Variants in HADHA observed in about 807,000 individuals in gnomAD.
HADHA encodes the protein trifunctional enzyme subunit alpha, mitochondrial.
A neutral mutation model predicts 91.3 loss-of-function variants in HADHA; 59 were observed. The observed-to-expected ratio is 0.65, with a 90% CI of 0.52 to 0.80. The LOEUF is 0.80. Ranked by LOEUF, HADHA falls within the 30% of genes least tolerant of loss-of-function variation. The pLI, the probability that HADHA is intolerant of heterozygous loss-of-function variation, is 0.00. For synonymous variants in HADHA, 320 were observed against 338.9 expected (o/e 0.94, Z 0.61); for missense variants, 800 against 927.6 (o/e 0.86, Z 1.79).
rs1553315306 is a variant in HADHA at position 26,229,348 on chromosome 2, G to GCACGCACACACACACACACA, written c.676+843_676+844insTGTGTGTGTGTGTGTGCGTG. On this transcript the variant is annotated intron_variant, in intron 7 of 19. Coordinates refer to ENST00000380649, the MANE Select transcript of HADHA (RefSeq NM_000182.5). This position sits in a 1 kb window ranked among gnomAD's most constrained non-coding sequence, Gnocchi z 4.3. Reference sequence around the variant, plus strand: ...GTGAGACCCCAACATGTGTGCGCGCGCACACACACACACACACACACACAC... The same window carrying GCACGCACACACACACACACA: ...GTGAGACCCCAACATGTGTGCGCGCGCACGCACACACACACACACACACACACACACACACACACACACAC... Among the ~76,000 whole-genome samples, 1 of 147,520 alleles carries GCACGCACACACACACACACA rather than the reference G, an allele frequency of 6.8e-6. No individual in the cohort carries two copies. The highest frequency in any genetic ancestry group is 2.5e-5 in the African/African-American group (1 of 39,538).
chr2:26,193,422 C>T (rs1245172834), intron 17 of HADHA, among the ~76,000 whole-genome samples, 155 bp downstream of exon 17: 3 of 151,808 alleles, frequency 2.0e-5, no homozygotes, highest in Non-Finnish European at 4.4e-5. Context: ...TGCTACCGCA[C>T]CTGACTCATA....
intron 7 of HADHA, among the ~76,000 whole-genome samples, chr2:26,220,535 C>G (rs1248399007): frequency 2.0e-5 from 3 of 152,194 alleles, no homozygotes; most frequent in Non-Finnish European, 4.4e-5. Flanking sequence ...ACAGATGGAT[C>G]CTATAGAATG....
chr2:26,232,213 C>T lies in HADHA; in HGVS notation c.520G>A (p.Val174Ile), dbSNP rs778484871. Reference protein sequence around the residue: ...DRKTVLGTPEVLLGALPGAGG... With the variant: ...DRKTVLGTPEILLGALPGAGG... ...GCTCCTGGTAAGGCCCCCAGCAAAA[C>T]TTCAGGGGTACCTAATACTGTTTTT... The change falls in exon 6 of 20, where the codon GTT becomes ATT. Residue 174 changes from valine to isoleucine, a missense_variant. Transcript: ENST00000380649. 6.2e-7 allele frequency: 1 copy of T among 1,607,442 alleles called. No individual in the cohort carries two copies. Among genetic ancestry groups the T allele is most frequent in the South Asian group, 1.1e-5 (1 of 90,948 alleles).
rs1442504665 is a variant in HADHA at position 26,191,307 on chromosome 2, G to A, written c.2235C>T (p.Thr745=). 6.2e-7 allele frequency: 1 copy of A among 1,613,652 alleles called. No individual in the cohort carries two copies. The highest frequency in any genetic ancestry group is 8.5e-7 in the Non-Finnish European group (1 of 1,179,998). ...KYEAAYGKQF[T]PCQLLADHAN... is the part of the protein sequence containing the mutation. ...CATGGTCAGCTAGCAGCTGGCATGG[G>A]GTGAACTGTTTTCCATAGGCAGCTT... is the stretch of plus-strand genomic sequence containing the variant. Residue 745 remains threonine, a synonymous_variant, in exon 20 of 20, where the codon ACC becomes ACT. Coordinates refer to ENST00000380649, the MANE Select transcript of HADHA (RefSeq NM_000182.5).
intron 5 of HADHA, among the ~76,000 whole-genome samples, chr2:26,232,985 T>C (rs1670661623): frequency 6.6e-6 from 1 of 151,218 alleles, no homozygotes; most frequent in Non-Finnish European, 1.5e-5. Flanking sequence ...TGGGAGGGAG[T>C]GGTTTCAGGA....
rs1670774544 is a variant in HADHA, at chr2:26,236,886, G to T, written c.283C>A (p.Pro95Thr). The change falls in exon 4 of 20, where the codon CCA becomes ACA. Residue 95 changes from proline (P) to threonine (T), a missense_variant. Pro to Thr is a conservative substitution (Grantham distance 38). Coordinates refer to ENST00000380649, the MANE Select transcript of HADHA (RefSeq NM_000182.5). The part of the protein sequence containing the change: ...IRSAVLISSK[P>T]GCFIAGADIN... ...TCAGCACCTGCAATAAAGCAGCCTG[G>T]CTTTGATGAGATAAGGACGGCACTT... 1 of 1,612,108 alleles carries T rather than the reference G, an allele frequency of 6.2e-7. No homozygotes were observed. The highest frequency in any genetic ancestry group is 8.5e-7 in the Non-Finnish European group (1 of 1,178,730).
At chr2:26,219,538 T>G (rs1670322836) in intron 7 of HADHA, among the ~76,000 whole-genome samples, 1 of 152,198 alleles carries the variant, frequency 6.6e-6, no homozygotes, top group South Asian at 2.1e-4. Flanking sequence ...CTGTGAGAAA[T>G]CAATTTGTGA....
In HADHA at chr2:26,229,392, A is replaced by G. The variant is rs1310687331; in HGVS notation, c.676+800T>C. ...CACACACAAAATTAATACATTTACT[A>G]TTATGTAAGTAATATCTCAATAATG... is the stretch of plus-strand genomic sequence containing the variant. On this transcript the variant is annotated intron_variant, in intron 7 of 19. Transcript: ENST00000380649. The surrounding 1 kb of genome is among the most constrained non-coding windows in gnomAD (Gnocchi z 4.3). Among the ~76,000 whole-genome samples, 1 of 150,956 alleles carries G rather than the reference A, an allele frequency of 6.6e-6. No individual in the cohort carries two copies. Among genetic ancestry groups the G allele is most frequent in the Non-Finnish European group, 1.5e-5 (1 of 67,802 alleles).
At chr2:26,239,180 C>T in intron 1 of HADHA, 37 bp from the exon 2 acceptor site, 1 of 1,391,258 alleles carries the variant, frequency 7.2e-7, no homozygotes. Flanking sequence ...ATTTGCGAAA[C>T]AATTTCTGTA....
intron 6 of HADHA, among the ~76,000 whole-genome samples, 169 bp downstream of exon 6, chr2:26,231,991 C>T (rs1379884261): frequency 7.0e-6 from 1 of 143,680 alleles, no homozygotes; most frequent in African/African-American, 2.5e-5. Context: ...AAAAAAAAAT[C>T]TGTGGAATTG....
intron 12 of HADHA, among the ~76,000 whole-genome samples, chr2:26,202,567 C>G (rs933320138): frequency 6.6e-6 from 1 of 152,134 alleles, no homozygotes; most frequent in African/African-American, 2.4e-5. Context: ...ATGGTGAAAT[C>G]CCGTCTCTAT....
chr2:26,218,823 G>A (rs559576121), intron 7 of HADHA, among the ~76,000 whole-genome samples: 71 of 151,718 alleles, frequency 4.7e-4, no homozygotes, highest in African/African-American at 1.6e-3. Context: ...GCCTGGCCAA[G>A]ATAGTGAAAC....
intron 7 of HADHA, among the ~76,000 whole-genome samples, chr2:26,220,832 A>G (rs1670356882): frequency 6.6e-6 from 1 of 152,214 alleles, no homozygotes; most frequent in African/African-American, 2.4e-5. Flanking sequence ...CTTCCACAAG[A>G]TATCATGCTG....
At chr2:26,203,974 C>CA in intron 12 of HADHA, 88 bp downstream of exon 12, 2 of 1,339,870 alleles carry the variant, frequency 1.5e-6, no homozygotes, top group Non-Finnish European at 2.1e-6. Flanking sequence ...AACAAACAAA[C>CA]AAAAAAACCC....
chr2:26,191,749 G>A (rs890316065), intron 18 of HADHA, 121 bp from the exon 19 acceptor site: 2 of 982,442 alleles, frequency 2.0e-6, no homozygotes, highest in Non-Finnish European at 3.3e-6. Flanking sequence ...GGTTGGTGCT[G>A]GCCCTCAGAG....
At position 26,193,714 on chromosome 2, in the gene HADHA, C is replaced by G. The variant is rs764942632; in HGVS notation, c.1748G>C (p.Gly583Ala). ...AACTTCATCCACCAGTGTGGCGGCACCCACAGGAAAGCCAAAGCTTGTGGT... is the reference window on the plus strand; with the variant it reads ...AACTTCATCCACCAGTGTGGCGGCAGCCACAGGAAAGCCAAAGCTTGTGGT... ...SLTTSFGFPV[G>A]AATLVDEVGV... is the part of the protein sequence containing the mutation. The change falls in exon 17 of 20, where the codon GGT becomes GCT. Residue 583 changes from glycine (G) to alanine (A), a missense_variant. Transcript: ENST00000380649. 1 of 1,613,970 alleles carries G rather than the reference C, an allele frequency of 6.2e-7. No homozygotes were observed. Among genetic ancestry groups the G allele is most frequent in the Non-Finnish European group, 8.5e-7 (1 of 1,179,864 alleles).
At chr2:26,228,831 C>T (rs7423500) in intron 7 of HADHA, among the ~76,000 whole-genome samples, 9,874 of 151,874 alleles carry the variant, frequency 0.065, 449 homozygotes, top group Non-Finnish European at 0.1. Context: ...ACTATGATAC[C>T]CAGCTAATTG....
At chr2:26,192,769 A>G (rs1331538038) in intron 17 of HADHA, among the ~76,000 whole-genome samples, 4 of 152,134 alleles carry the variant, frequency 2.6e-5, no homozygotes, top group Non-Finnish European at 5.9e-5. Flanking sequence ...AAAGACCCTG[A>G]CCTGAGAATT....
chr2:26,228,412 T>C (rs891253172), intron 7 of HADHA, among the ~76,000 whole-genome samples: 1 of 152,212 alleles, frequency 6.6e-6, no homozygotes, highest in Admixed American at 6.5e-5. Context: ...ATTAGAGGCT[T>C]GAGCCACCAC....
Sources: allele counts gnomAD v4.1 joint callset (sites outside exome capture counted in the v4.1 genomes callset), GRCh38; gene constraint gnomAD v4.1.1; non-coding constraint Gnocchi (gnomAD v3.1); transcripts MANE v1.5; gene names NCBI Gene and HGNC (gene_info 2026-07-23, HGNC 2026-07-21).